LRBA: variants seen among roughly 807,000 people sequenced by gnomAD.
LRBA encodes lipopolysaccharide-responsive and beige-like anchor protein.
In LRBA, 176 loss-of-function variants were observed where a neutral mutation model predicts 330.0. The ratio of observed to expected loss-of-function variants is 0.53; its 90% CI spans 0.47 to 0.60. The LOEUF is 0.60. Ranked by LOEUF, LRBA falls within the 20% of genes least tolerant of loss-of-function variation. The probability of loss-of-function intolerance (pLI) is 0.00; values close to 1 mark genes in which losing one functional copy is unlikely to be tolerated. For missense variants in LRBA, 3,259 were observed against 3,444.8 expected (o/e 0.95, Z 1.35); for synonymous variants, 1,230 against 1,193.0 (o/e 1.03, Z -0.64).
chr4:150,483,818 T>G (rs1002476484), intron 42 of LRBA, among the ~76,000 whole-genome samples: 2 of 152,084 alleles, frequency 1.3e-5, no homozygotes, highest in African/African-American at 2.4e-5. Context: ...TCCAAAACAG[T>G]TTTATAGCTT....
chr4:150,805,446 GGGAAAGGAAAGGAAAGGAAAGGAAA>G (rs75535803), intron 33 of LRBA, among the ~76,000 whole-genome samples: 2 of 39,736 alleles, frequency 5.0e-5, no homozygotes, highest in African/African-American at 1.8e-4. Flanking sequence ...AGGAAGGAAA[GGGAAAGGAAAGGAAAGGAAAGGAAA>G]GGAAAGGAAA....
chr4:150,471,209 T>C (rs1273992991), intron 43 of LRBA, among the ~76,000 whole-genome samples: 2 of 152,228 alleles, frequency 1.3e-5, no homozygotes, highest in African/African-American at 4.8e-5. Context: ...CTTTGTATGT[T>C]TGCTTATGCT....
intron 40 of LRBA, among the ~76,000 whole-genome samples, chr4:150,510,454 TTC>T (rs1178686449): frequency 1.3e-5 from 2 of 152,192 alleles, no homozygotes; most frequent in African/African-American, 4.8e-5. Context: ...TTTGTAAAAT[TTC>T]TCTGTCTTGA....
intron 31 of LRBA, among the ~76,000 whole-genome samples, chr4:150,809,301 T>C (rs977183401): frequency 6.6e-6 from 1 of 152,150 alleles, no homozygotes; most frequent in Admixed American, 6.5e-5. Context: ...ATCTTAACAC[T>C]TGGTGTCCAG....
intron 34 of LRBA, among the ~76,000 whole-genome samples, chr4:150,796,048 G>C (rs988084978): frequency 6.6e-6 from 1 of 151,744 alleles, no homozygotes; most frequent in Admixed American, 6.6e-5. Context: ...CTGATCTTTC[G>C]ATCTTTGGCA....
At chr4:150,267,445 A>T (rs1745498604) in intron 56 of LRBA, among the ~76,000 whole-genome samples, 2 of 152,192 alleles carry the variant, frequency 1.3e-5, no homozygotes, top group South Asian at 4.1e-4. Context: ...ACAAACAACA[A>T]CATAAGAGAC....
intron 40 of LRBA, among the ~76,000 whole-genome samples, chr4:150,509,787 G>T (rs1016259573): frequency 2.0e-5 from 3 of 152,090 alleles, no homozygotes. Context: ...AAGGATAAGG[G>T]GATATCATAA....
intron 2 of LRBA, among the ~76,000 whole-genome samples, chr4:150,993,609 T>C (rs1197501410): frequency 6.6e-6 from 1 of 152,152 alleles, no homozygotes; most frequent in Admixed American, 6.5e-5. Context: ...TAATTGGACT[T>C]ACAGTTCCAC....
intron 34 of LRBA, among the ~76,000 whole-genome samples, chr4:150,786,947 T>C (rs1739154773): frequency 6.6e-6 from 1 of 152,176 alleles, no homozygotes; most frequent in Non-Finnish European, 1.5e-5. Context: ...AATACTCAGA[T>C]TCGGCCAGGT....
chr4:150,518,712 T>C (rs1324899379), intron 40 of LRBA, among the ~76,000 whole-genome samples: 2 of 152,162 alleles, frequency 1.3e-5, no homozygotes, highest in Non-Finnish European at 2.9e-5. Context: ...TTCAGGTGAC[T>C]GATAGAATGA....
At position 150,796,033 on chromosome 4, in the gene LRBA, T is replaced by C. The variant is rs575719940; in HGVS notation, c.5580+2048A>G. ...TATTTACGTGATTAAAAAGTAGTTTTTGACCTGATCTTTCGATCTTTGGCA... is the reference window on the plus strand; with the variant it reads ...TATTTACGTGATTAAAAAGTAGTTTCTGACCTGATCTTTCGATCTTTGGCA... On this transcript the variant is annotated intron_variant, in intron 34 of 56. Coordinates refer to ENST00000651943, the MANE Select transcript of LRBA (RefSeq NM_001364905.1). Among the ~76,000 whole-genome samples, 4 of 152,124 alleles carry C rather than the reference T, an allele frequency of 2.6e-5. No homozygotes were observed. In the East Asian group the frequency reaches 7.7e-4, roughly 29 times the overall value.
At chr4:150,432,534 T>C (rs1398453112) in intron 46 of LRBA, among the ~76,000 whole-genome samples, 1 of 134,922 alleles carries the variant, frequency 7.4e-6, no homozygotes, top group African/African-American at 2.8e-5. Context: ...CTCGGCTCAC[T>C]GCAAGCTCCG....
At chr4:150,803,377 T>C (rs930915308) in intron 33 of LRBA, among the ~76,000 whole-genome samples, 6 of 152,016 alleles carry the variant, frequency 3.9e-5, no homozygotes, top group Non-Finnish European at 8.8e-5. Flanking sequence ...CAAATAATTA[T>C]GGAAAAATGA....
At chr4:150,413,172 C>T (rs1403240552) in intron 47 of LRBA, among the ~76,000 whole-genome samples, 2 of 151,892 alleles carry the variant, frequency 1.3e-5, no homozygotes, top group African/African-American at 2.4e-5. Flanking sequence ...GACCTACCTA[C>T]TAGAATGGCT....
At chr4:150,844,980 G>T (rs1301777047) in intron 26 of LRBA, among the ~76,000 whole-genome samples, 1 of 152,186 alleles carries the variant, frequency 6.6e-6, no homozygotes, top group Admixed American at 6.5e-5. Context: ...CTGTGGCCCA[G>T]TTAAGATTTA....
chr4:150,363,980 A>G (rs533210956), intron 47 of LRBA, among the ~76,000 whole-genome samples: 1 of 152,358 alleles, frequency 6.6e-6, no homozygotes, highest in African/African-American at 2.4e-5. Flanking sequence ...AGCCACTGCA[A>G]AATGAGCTGT....
intron 37 of LRBA, among the ~76,000 whole-genome samples, chr4:150,635,321 G>A (rs1242351614): frequency 2.0e-5 from 3 of 152,142 alleles, no homozygotes; most frequent in Non-Finnish European, 2.9e-5. Flanking sequence ...ATAAGACTGC[G>A]TTTTCAAACT....
chr4:150,436,919 T>C, intron 44 of LRBA, 55 bp from the exon 45 acceptor site: 1 of 1,479,906 alleles, frequency 6.8e-7, no homozygotes, highest in Non-Finnish European at 9.4e-7. Flanking sequence ...ATCCTTCATG[T>C]CTTCCTCTCT....
intron 37 of LRBA, among the ~76,000 whole-genome samples, chr4:150,675,284 A>G (rs967863526): frequency 5.3e-5 from 8 of 152,184 alleles, no homozygotes; most frequent in Non-Finnish European, 1.0e-4. Context: ...AATGTTAACT[A>G]CTCAATATAC....
Sources: allele counts gnomAD v4.1 joint callset (sites outside exome capture counted in the v4.1 genomes callset), GRCh38; gene constraint gnomAD v4.1.1; transcripts MANE v1.5; gene names NCBI Gene and HGNC (gene_info 2026-07-23, HGNC 2026-07-21).